The following ZBTB20 variants were observed in gnomAD, a reference collection of about 807,000 sequenced individuals.
The protein encoded by ZBTB20 is zinc finger and BTB domain containing 20.
A neutral mutation model predicts 56.9 loss-of-function variants in ZBTB20; 9 were observed. The ratio of observed to expected loss-of-function variants is 0.16; its 90% CI spans 0.10 to 0.28. The LOEUF (loss-of-function observed/expected upper bound fraction) is 0.28. Ranked by LOEUF, ZBTB20 falls within the 10% of genes least tolerant of loss-of-function variation. The probability of loss-of-function intolerance (pLI) is 1.00; values close to 1 mark genes in which losing one functional copy is unlikely to be tolerated. For synonymous variants in ZBTB20, 417 were observed against 420.7 expected (o/e 0.99, Z 0.11); for missense variants, 655 against 1,003.0 (o/e 0.65, Z 4.69).
intron 11 of ZBTB20, among the ~76,000 whole-genome samples, chr3:114,346,080 G>A (rs1055759289): frequency 1.3e-5 from 2 of 152,260 alleles, no homozygotes; most frequent in Non-Finnish European, 2.9e-5. Context: ...GAAGTCCTCC[G>A]TGGTTTGTTT....
chr3:114,855,618 C>T (rs566487767), intron 4 of ZBTB20, among the ~76,000 whole-genome samples: 1 of 152,218 alleles, frequency 6.6e-6, no homozygotes, highest in South Asian at 2.1e-4. Flanking sequence ...AGATAAAATT[C>T]GTGGTGGGTG....
chr3:115,042,183 G>T (rs1382548436), intron 2 of ZBTB20, among the ~76,000 whole-genome samples: 1 of 151,938 alleles, frequency 6.6e-6, no homozygotes, highest in African/African-American at 2.4e-5. Flanking sequence ...ATGTACAGAG[G>T]AACTGAAAAA....
intron 5 of ZBTB20, among the ~76,000 whole-genome samples, chr3:114,758,661 T>C (rs866828257): frequency 1.2e-4 from 19 of 152,158 alleles, no homozygotes; most frequent in African/African-American, 4.1e-4. Flanking sequence ...AACATTAACA[T>C]ATTCTTCTGC....
chr3:115,030,167 C>T (rs1179233144), intron 2 of ZBTB20, among the ~76,000 whole-genome samples: 1 of 151,136 alleles, frequency 6.6e-6, no homozygotes, highest in Non-Finnish European at 1.5e-5. Flanking sequence ...TGGTTTCCCA[C>T]ATATACCATG....
At chr3:114,993,095 A>G (rs1246466421) in intron 2 of ZBTB20, among the ~76,000 whole-genome samples, 1 of 151,996 alleles carries the variant, frequency 6.6e-6, no homozygotes, top group Non-Finnish European at 1.5e-5. Flanking sequence ...ATGCTTTTTT[A>G]GGCAGATAAT....
intron 4 of ZBTB20, among the ~76,000 whole-genome samples, chr3:114,879,111 T>C (rs2076303577): frequency 6.6e-6 from 1 of 152,138 alleles, no homozygotes; most frequent in African/African-American, 2.4e-5. Flanking sequence ...TAATGCAAAT[T>C]TACAATTTTA....
intron 8 of ZBTB20, among the ~76,000 whole-genome samples, chr3:114,384,955 G>A (rs1376880072): frequency 6.6e-6 from 1 of 152,094 alleles, no homozygotes. Flanking sequence ...GCAACATATG[G>A]AAAAATAAAT....
intron 2 of ZBTB20, among the ~76,000 whole-genome samples, chr3:114,980,172 GTTTATT>G (rs1407395199): frequency 1.3e-5 from 2 of 151,862 alleles, no homozygotes; most frequent in Admixed American, 6.6e-5. Flanking sequence ...GCTTCATTCT[GTTTATT>G]TTTATTTCCC....
At chr3:114,646,591 T>C (rs575052495) in intron 6 of ZBTB20, among the ~76,000 whole-genome samples, 32 of 152,352 alleles carry the variant, frequency 2.1e-4, no homozygotes, top group Non-Finnish European at 4.4e-4. Context: ...ATTGGAGAGT[T>C]AGTTGACTTT....
At chr3:114,426,196 G>A (rs2089641160) in intron 7 of ZBTB20, among the ~76,000 whole-genome samples, 1 of 151,958 alleles carries the variant, frequency 6.6e-6, no homozygotes, top group Non-Finnish European at 1.5e-5. Context: ...AAAATTAGCT[G>A]GGCGTGGTGG....
chr3:115,094,089 C>T (rs563859119), intron 1 of ZBTB20, among the ~76,000 whole-genome samples: 2 of 152,036 alleles, frequency 1.3e-5, no homozygotes, highest in Non-Finnish European at 2.9e-5. Flanking sequence ...GTTTCTTAAT[C>T]ATCTCTAGTC....
At chr3:115,011,892 A>T (rs2079731746) in intron 2 of ZBTB20, among the ~76,000 whole-genome samples, 1 of 151,866 alleles carries the variant, frequency 6.6e-6, no homozygotes, top group Non-Finnish European at 1.5e-5. Flanking sequence ...CAAATAATAA[A>T]AAGTTTAAAA....
intron 2 of ZBTB20, among the ~76,000 whole-genome samples, chr3:114,978,007 T>C (rs2078173577): frequency 8.6e-6 from 1 of 115,666 alleles, no homozygotes; most frequent in Non-Finnish European, 1.7e-5. Context: ...CAAGACCCAG[T>C]CTCAAAAAAA....
chr3:114,551,227 G>A (rs928197356), intron 6 of ZBTB20, among the ~76,000 whole-genome samples: 1 of 152,076 alleles, frequency 6.6e-6, no homozygotes, highest in Admixed American at 6.6e-5. Context: ...AAATAGTATG[G>A]AAAATTCTGG....
chr3:114,583,489 A>G (rs1047361111), intron 6 of ZBTB20, among the ~76,000 whole-genome samples: 1 of 152,220 alleles, frequency 6.6e-6, no homozygotes, highest in African/African-American at 2.4e-5. Context: ...GTGGGAATAA[A>G]AATAAGATTT....
At chr3:114,789,201 T>G (rs555305081) in intron 5 of ZBTB20, among the ~76,000 whole-genome samples, 8 of 152,266 alleles carry the variant, frequency 5.3e-5, no homozygotes, top group African/African-American at 1.9e-4. Flanking sequence ...TAGCTTAACA[T>G]ATGTGTTTGT....
intron 7 of ZBTB20, among the ~76,000 whole-genome samples, chr3:114,463,657 T>C (rs528723084): frequency 6.6e-6 from 1 of 152,314 alleles, no homozygotes; most frequent in Non-Finnish European, 1.5e-5. Flanking sequence ...AAAATCTGCT[T>C]AGAAATGTCC....
At chr3:114,345,903 G>T (rs552143499) in intron 11 of ZBTB20, among the ~76,000 whole-genome samples, 2 of 152,240 alleles carry the variant, frequency 1.3e-5, no homozygotes, top group African/African-American at 4.8e-5. Flanking sequence ...CTTGATGAAG[G>T]GGGTAGAGGG....
chr3:114,744,050 C>G (rs769109329), intron 5 of ZBTB20, among the ~76,000 whole-genome samples: 4 of 152,168 alleles, frequency 2.6e-5, no homozygotes, highest in Admixed American at 6.5e-5. Context: ...TTTATTCAAT[C>G]AAACTGTTAA....
Sources: allele counts gnomAD v4.1 joint callset (sites outside exome capture counted in the v4.1 genomes callset), GRCh38; gene constraint gnomAD v4.1.1; transcripts MANE v1.5; gene names NCBI Gene and HGNC (gene_info 2026-07-23, HGNC 2026-07-21).